The following ZNF566 variants were observed in gnomAD, a reference collection of about 807,000 sequenced individuals.
ZNF566 encodes zinc finger protein 566.
Under a neutral mutation model 32.8 loss-of-function variants are expected in ZNF566, and 27 were observed. The observed-to-expected ratio is 0.82, with a 90% CI of 0.61 to 1.14. The LOEUF (loss-of-function observed/expected upper bound fraction) is 1.14. ZNF566 is among the 50% of genes most tolerant of loss of function. ZNF566 has a pLI of 0.00. For missense variants in ZNF566, 402 were observed against 490.4 expected, an observed-to-expected ratio of 0.82 and a Z score of 1.70; for synonymous variants, 154 against 159.5, an observed-to-expected ratio of 0.97 and a Z score of 0.26.
At chr19:36,467,588 G>A (rs2033649890) in intron 4 of ZNF566, among the ~76,000 whole-genome samples, 1 of 150,254 alleles carries the variant, frequency 6.7e-6, no homozygotes, top group Non-Finnish European at 1.5e-5. Flanking sequence ...GTCAGCAGTT[G>A]AAGACCAGCC....
chr19:36,450,354 T>C (rs919092438), intron 4 of ZNF566, among the ~76,000 whole-genome samples: 1 of 152,084 alleles, frequency 6.6e-6, no homozygotes, highest in African/African-American at 2.4e-5. Context: ...AATTATAAAA[T>C]AAGGGAAATG....
At chr19:36,474,988 A>G (rs1439439336) in intron 2 of ZNF566, among the ~76,000 whole-genome samples, 1 of 152,144 alleles carries the variant, frequency 6.6e-6, no homozygotes, top group Non-Finnish European at 1.5e-5. Context: ...TTCCCCTTAT[A>G]ACTAAGCTAC....
chr19:36,484,692 C>T (rs886727558), intron 1 of ZNF566, among the ~76,000 whole-genome samples: 7 of 150,752 alleles, frequency 4.6e-5, no homozygotes, highest in Non-Finnish European at 8.8e-5. Context: ...CGGGTTAACG[C>T]CATTCTCCTG....
chr19:36,452,095 A>G (rs979875971), intron 4 of ZNF566, among the ~76,000 whole-genome samples: 14 of 152,048 alleles, frequency 9.2e-5, no homozygotes, highest in African/African-American at 3.1e-4. Context: ...AAAAAAAAAA[A>G]GGGAGAATAG....
At position 36,449,184 on chromosome 19, in the gene ZNF566, A is replaced by G. The variant is rs17238970; in HGVS notation, c.1050T>C (p.Ser350=). 8.1e-4 allele frequency: 1,307 copies of G among 1,614,092 alleles called. 20 individuals are homozygous for G. In the East Asian group the frequency reaches 0.023, roughly 28 times the overall value. ...ECKECEKAFR[S]GSDLTRHQRI... is the part of the protein sequence containing the mutation. ...TCTGATGTCTAGTAAGGTCTGAGCCAGAACGAAAAGCCTTTTCACATTCCT... is the reference window on the plus strand; with the variant it reads ...TCTGATGTCTAGTAAGGTCTGAGCCGGAACGAAAAGCCTTTTCACATTCCT... Residue 350 remains serine, a synonymous_variant, in exon 5 of 5, where the codon TCT becomes TCC. Coordinates refer to ENST00000452939, the MANE Select transcript of ZNF566 (RefSeq NM_001145344.1).
intron 1 of ZNF566, among the ~76,000 whole-genome samples, chr19:36,482,511 A>C (rs2034061739): frequency 6.6e-6 from 1 of 152,196 alleles, no homozygotes; most frequent in Non-Finnish European, 1.5e-5. Context: ...GTAAGAAAAA[A>C]AAAAAACATA....
At chr19:36,474,506 G>A (rs1345334180) in intron 2 of ZNF566, among the ~76,000 whole-genome samples, 2 of 152,156 alleles carry the variant, frequency 1.3e-5, no homozygotes, top group Non-Finnish European at 2.9e-5. Context: ...TATGGTAACA[G>A]TCAGGAAAAA....
rs186485209 is a variant in ZNF566 at position 36,479,220 on chromosome 19, A to C, written c.-59-2604T>G. 1.3e-3 allele frequency among the ~76,000 whole-genome samples: 201 copies of C among 152,342 alleles called. No homozygotes were observed. In the Middle Eastern group the frequency reaches 0.02, roughly 15 times the overall value. The stretch of plus-strand genomic sequence containing the variant: ...TGCATTATCATCATTTCTTTTTAAC[A>C]ATGTAATAAAGGGCTTGGCCAGTAT... On this transcript the variant is annotated intron_variant, in intron 1 of 4. Transcript: ENST00000452939.
At chr19:36,481,486 A>G (rs1027643827) in intron 1 of ZNF566, among the ~76,000 whole-genome samples, 2 of 147,642 alleles carry the variant, frequency 1.4e-5, no homozygotes, top group African/African-American at 5.0e-5. Flanking sequence ...AAAAAAAAAA[A>G]AAAAAAAAAG....
chr19:36,454,065 T>G (rs2033237982), intron 4 of ZNF566, among the ~76,000 whole-genome samples: 1 of 152,008 alleles, frequency 6.6e-6, no homozygotes, highest in Non-Finnish European at 1.5e-5. Context: ...CCTCAAGTGA[T>G]CCTTAAACAT....
At chr19:36,482,517 A>C (rs1018384474) in intron 1 of ZNF566, among the ~76,000 whole-genome samples, 1 of 152,078 alleles carries the variant, frequency 6.6e-6, no homozygotes, top group Admixed American at 6.5e-5. Flanking sequence ...AAAAAAAAAA[A>C]CATACTGAAA....
intron 4 of ZNF566, among the ~76,000 whole-genome samples, chr19:36,453,204 G>C (rs2033207421): frequency 6.6e-6 from 1 of 151,818 alleles, no homozygotes. Flanking sequence ...CGGGGCGCTG[G>C]TGGCTCACAT....
chr19:36,471,765 G>A (rs1166589177), intron 4 of ZNF566, among the ~76,000 whole-genome samples: 1 of 151,456 alleles, frequency 6.6e-6, no homozygotes, highest in Non-Finnish European at 1.5e-5. Flanking sequence ...CTTTTTTTGA[G>A]AGAGTCTCTC....
Position 36,448,107 on chromosome 19 carries a change from T to C in ZNF566, c.*870A>G, listed in dbSNP as rs1434755544. The C allele has an allele frequency of 1.3e-5, 2 of 152,124 alleles. No homozygotes were observed. The highest frequency in any genetic ancestry group is 1.3e-4 in the Admixed American group (2 of 15,268). 9.4% of individuals were successfully genotyped at this position (152,124 alleles called of 1,614,324 possible). On this transcript the variant is annotated 3_prime_UTR_variant, in exon 5 of 5. Coordinates refer to ENST00000452939, the MANE Select transcript of ZNF566 (RefSeq NM_001145344.1). ...ACGCATGTATATATGAACAGAAAAA[T>C]GATCAGCAATAAATAATGAACTGAT...
intron 4 of ZNF566, among the ~76,000 whole-genome samples, chr19:36,457,805 C>T (rs776909698): frequency 9.2e-5 from 14 of 152,160 alleles, no homozygotes; most frequent in Non-Finnish European, 1.3e-4. Flanking sequence ...GTGGGAGAAT[C>T]GCTTGAACCC....
rs981352258 is a variant in ZNF566, at chr19:36,445,180, C to T, written c.*3797G>A. 1 of 151,990 alleles carries T rather than the reference C, an allele frequency of 6.6e-6. No individual in the cohort carries two copies. Among genetic ancestry groups the T allele is most frequent in the African/African-American group, 2.4e-5 (1 of 41,384 alleles). 9.4% of individuals were successfully genotyped at this position (151,990 alleles called of 1,614,324 possible). Reference sequence around the variant, plus strand: ...ACTATATATTAATAATATATACATACATCTTTATTTCCAAGTAATAAAAGC... The same window carrying T: ...ACTATATATTAATAATATATACATATATCTTTATTTCCAAGTAATAAAAGC... On this transcript the variant is annotated 3_prime_UTR_variant, in exon 5 of 5. Transcript: ENST00000452939.
chr19:36,482,977 C>G (rs149642920), intron 1 of ZNF566, among the ~76,000 whole-genome samples: 2 of 152,186 alleles, frequency 1.3e-5, no homozygotes, highest in Admixed American at 1.3e-4. Context: ...GTCAAGGGAA[C>G]ACACAGATAC....
chr19:36,474,910 G>A (rs2033847977), intron 2 of ZNF566, among the ~76,000 whole-genome samples: 1 of 152,106 alleles, frequency 6.6e-6, no homozygotes, highest in Non-Finnish European at 1.5e-5. Context: ...CAGGCTAGAG[G>A]TGATCTCTAA....
rs750849551 is a variant in ZNF566 at position 36,448,688 on chromosome 19, G to A, written c.*289C>T. 7 of 240,910 alleles carry A rather than the reference G, an allele frequency of 2.9e-5. No homozygotes were observed. Among genetic ancestry groups the A allele is most frequent in the Non-Finnish European group, 5.5e-5 (7 of 126,540 alleles). The allele number at this position is 240,910 out of a possible 1,614,324, so 14.9% of individuals were successfully genotyped here. ...AAATTCTCTGACGTTAAGAAGGTTA[G>A]AAAGGTGTTAAAAGTGCTGTCATTT... is the stretch of plus-strand genomic sequence containing the variant. On this transcript the variant is annotated 3_prime_UTR_variant, in exon 5 of 5. Coordinates refer to ENST00000452939, the MANE Select transcript of ZNF566 (RefSeq NM_001145344.1).
Sources: gnomAD v4.1 joint callset for allele counts (sites outside exome capture counted in the v4.1 genomes callset) on GRCh38, gnomAD v4.1.1 for gene constraint, MANE v1.5 for transcripts, NCBI Gene and HGNC (gene_info 2026-07-23, HGNC 2026-07-21) for gene names.